The following PRKG1 variants were observed in gnomAD, a reference collection of about 807,000 sequenced individuals.
PRKG1 encodes the protein protein kinase cGMP-dependent 1.
A neutral mutation model predicts 88.1 loss-of-function variants in PRKG1; 35 were observed. The observed-to-expected ratio is 0.40, with a 90% confidence interval of 0.30 to 0.53. The LOEUF is 0.53. Among genes scored for constraint, PRKG1 ranks in the 20% least tolerant of loss-of-function variants. PRKG1 has a pLI of 0.59. For synonymous variants in PRKG1, 303 were observed against 292.5 expected, an observed-to-expected ratio of 1.04 and a Z score of -0.37; for missense variants, 540 against 839.8, an observed-to-expected ratio of 0.64 and a Z score of 4.41.
At chr10:51,333,407 C>T (rs12251084) in intron 2 of PRKG1, among the ~76,000 whole-genome samples, 23,183 of 152,188 alleles carry the variant, frequency 0.15, 1,813 homozygotes, top group Admixed American at 0.17. Context: ...ATACTGTTAT[C>T]ACCCTCAGTT....
intron 7 of PRKG1, among the ~76,000 whole-genome samples, chr10:52,104,496 C>T (rs1042706025): frequency 7.3e-5 from 11 of 150,498 alleles, no homozygotes; most frequent in African/African-American, 2.7e-4. Context: ...TAAATTTGTT[C>T]TGAAAAAAAA....
At chr10:51,406,493 C>T (rs942908643) in intron 2 of PRKG1, among the ~76,000 whole-genome samples, 8 of 152,104 alleles carry the variant, frequency 5.3e-5, no homozygotes, top group Admixed American at 1.3e-4. Flanking sequence ...CAAATGGAAT[C>T]CACTTAGGAA....
At chr10:51,737,416 A>G (rs1283144159) in intron 3 of PRKG1, among the ~76,000 whole-genome samples, 1 of 152,234 alleles carries the variant, frequency 6.6e-6, no homozygotes. Context: ...GGAGAGAGTT[A>G]AAGCACTGAT....
intron 6 of PRKG1, among the ~76,000 whole-genome samples, chr10:52,059,399 A>T (rs1846182991): frequency 1.3e-5 from 2 of 149,724 alleles, no homozygotes. Context: ...TAATTGCCAA[A>T]ACTAGAAATA....
chr10:51,947,331 G>T (rs532421158), intron 5 of PRKG1, among the ~76,000 whole-genome samples: 2 of 152,146 alleles, frequency 1.3e-5, no homozygotes. Context: ...GCAGTATTGG[G>T]GTGGGAGTGA....
At chr10:51,263,389 T>G (rs1249703025) in intron 2 of PRKG1, among the ~76,000 whole-genome samples, 2 of 152,218 alleles carry the variant, frequency 1.3e-5, no homozygotes, top group Non-Finnish European at 2.9e-5. Context: ...GGGTTCTACA[T>G]GCCTGGCTGG....
chr10:51,651,366 G>T (rs1015241285), intron 3 of PRKG1, among the ~76,000 whole-genome samples: 1 of 151,920 alleles, frequency 6.6e-6, no homozygotes, highest in African/African-American at 2.4e-5. Flanking sequence ...TTTCTGTTCT[G>T]TATGATATCC....
In PRKG1 at chr10:52,174,550, G is replaced by A. The variant is rs147886997; in HGVS notation, c.1076+12587G>A. Among the ~76,000 whole-genome samples the A allele has an allele frequency of 2.4e-4, 37 of 151,978 alleles. No individual in the cohort carries two copies. In the East Asian group the frequency reaches 3.9e-3, roughly 16 times the overall value. On this transcript the variant is annotated intron_variant, in intron 9 of 17. Transcript: ENST00000373980. Reference sequence around the variant, plus strand: ...AATTACTTATCAAGATGTGATTACCGTACTTCAAATTTTAAAAAACCAAAG... The same window carrying A: ...AATTACTTATCAAGATGTGATTACCATACTTCAAATTTTAAAAAACCAAAG...
intron 3 of PRKG1, among the ~76,000 whole-genome samples, chr10:51,737,740 A>AATTTATT (rs1554837024): frequency 7.5e-6 from 1 of 133,434 alleles, no homozygotes; most frequent in East Asian, 2.2e-4. Flanking sequence ...TTTATTTATT[A>AATTTATT]ATTATTATTA....
intron 2 of PRKG1, among the ~76,000 whole-genome samples, chr10:51,202,124 G>A (rs1837927241): frequency 6.6e-6 from 1 of 152,116 alleles, no homozygotes; most frequent in South Asian, 2.1e-4. Flanking sequence ...GCTGTTGTGG[G>A]TGTTGATTGT....
chr10:51,999,750 A>G (rs1340876308), intron 5 of PRKG1, among the ~76,000 whole-genome samples: 1 of 152,134 alleles, frequency 6.6e-6, no homozygotes, highest in Non-Finnish European at 1.5e-5. Flanking sequence ...TTAAATTTAT[A>G]AAAATTCAGG....
At chr10:52,034,921 G>GT (rs1180861242) in intron 5 of PRKG1, among the ~76,000 whole-genome samples, 1 of 152,158 alleles carries the variant, frequency 6.6e-6, no homozygotes, top group Non-Finnish European at 1.5e-5. Context: ...AGGGAAAGTG[G>GT]TAAAAGTATT....
chr10:51,947,173 TC>T (rs1328699075), intron 5 of PRKG1, among the ~76,000 whole-genome samples: 1 of 152,034 alleles, frequency 6.6e-6, no homozygotes, highest in Non-Finnish European at 1.5e-5. Context: ...AATGGCAGGC[TC>T]CCCTCCCCCA....
At position 51,064,449 on chromosome 10, in the gene PRKG1, A is replaced by C. The variant is rs73322681; in HGVS notation, c.266+72805A>C. ...CACTGAAGCAGCATTATAACATTGC[A>C]GTTAAAAGCTTAATTTATAAAGATT... On this transcript the variant is annotated intron_variant, in intron 1 of 17. Coordinates refer to the PRKG1 transcript ENST00000401604. Among the ~76,000 whole-genome samples, 650 of 152,238 alleles carry C rather than the reference A, an allele frequency of 4.3e-3. 6 individuals carry two copies. The highest frequency in any genetic ancestry group is 0.015 in the African/African-American group (630 of 41,582).
At chr10:51,580,961 G>A (rs1338129663) in intron 3 of PRKG1, among the ~76,000 whole-genome samples, 3 of 152,056 alleles carry the variant, frequency 2.0e-5, no homozygotes, top group Admixed American at 6.6e-5. Context: ...TGGATCAGCA[G>A]GTCGAGAAAT....
intron 2 of PRKG1, among the ~76,000 whole-genome samples, chr10:51,265,435 G>A (rs544430187): frequency 2.0e-4 from 31 of 152,254 alleles, no homozygotes; most frequent in African/African-American, 7.0e-4. Context: ...AAAATTCTTT[G>A]TTGAAATTCA....
chr10:51,441,448 C>T (rs1839100808), intron 2 of PRKG1, among the ~76,000 whole-genome samples: 1 of 151,910 alleles, frequency 6.6e-6, no homozygotes, highest in Non-Finnish European at 1.5e-5. Context: ...ATTCTATTGA[C>T]ATTCCTCCCC....
chr10:51,380,211 C>T (rs1480419780), intron 2 of PRKG1, among the ~76,000 whole-genome samples: 1 of 152,158 alleles, frequency 6.6e-6, no homozygotes, highest in East Asian at 1.9e-4. Flanking sequence ...TGTCTAATCT[C>T]CCACCAGTGG....
Position 50,991,323 on chromosome 10 carries a change from G to GT in PRKG1, c.-56_-55insT. On this transcript the variant is annotated 5_prime_UTR_variant, in exon 1 of 18. Transcript: ENST00000401604. The surrounding 1 kb of genome is among the most constrained non-coding windows in gnomAD (Gnocchi z 4.5). ...GGCTGCCGTCCCAGCCGCCGCCGCC[G>GT]CCGCCGCCGCCGCCGCCGCCCGAGA... 1 of 1,480,974 alleles carries GT rather than the reference G, an allele frequency of 6.8e-7. No homozygotes were observed. The highest frequency in any genetic ancestry group is 8.9e-7 in the Non-Finnish European group (1 of 1,117,734). 91.7% of individuals were successfully genotyped at this position (1,480,974 alleles called of 1,614,324 possible). A position where few individuals can be genotyped will look rare whatever the true frequency, so the allele number is the denominator to read the frequency against.
Sources: gnomAD v4.1 joint callset for allele counts (sites outside exome capture counted in the v4.1 genomes callset) on GRCh38, gnomAD v4.1.1 for gene constraint, Gnocchi (gnomAD v3.1) non-coding constraint, MANE v1.5 for transcripts, NCBI Gene and HGNC (gene_info 2026-07-23, HGNC 2026-07-21) for gene names.